XKR6: variants seen among roughly 807,000 people sequenced by gnomAD.
XKR6 encodes the protein XK-related protein 6.
Under a neutral mutation model 56.7 loss-of-function variants are expected in XKR6, and 22 were observed. That is an observed-to-expected ratio of 0.39 (90% CI 0.28 to 0.55). XKR6 has a LOEUF of 0.55. Among genes scored for constraint, XKR6 ranks in the 20% least tolerant of loss-of-function variants. XKR6 has a pLI of 0.66. For missense variants in XKR6, 852 were observed against 889.0 expected (o/e 0.96, Z 0.53); for synonymous variants, 524 against 387.8 (o/e 1.35, Z -4.13).
chr8:11,067,541 T>C (rs575553960), intron 1 of XKR6, among the ~76,000 whole-genome samples: 16 of 152,376 alleles, frequency 1.1e-4, no homozygotes, highest in Admixed American at 2.6e-4. Context: ...AAACATTATT[T>C]ATCTTAGACA....
At chr8:11,141,324 A>G (rs1321208372) in intron 1 of XKR6, among the ~76,000 whole-genome samples, 2 of 152,160 alleles carry the variant, frequency 1.3e-5, no homozygotes, top group Non-Finnish European at 2.9e-5. Context: ...CCAACACCAT[A>G]GCACTGGGAG....
chr8:10,955,440 C>G (rs1801855489), intron 1 of XKR6, among the ~76,000 whole-genome samples: 1 of 152,140 alleles, frequency 6.6e-6, no homozygotes, highest in African/African-American at 2.4e-5. Context: ...GTAGGCCTCC[C>G]AAAGTGCTAG....
At chr8:10,900,535 T>C (rs1747717809) in intron 2 of XKR6, among the ~76,000 whole-genome samples, 1 of 152,236 alleles carries the variant, frequency 6.6e-6, no homozygotes, top group South Asian at 2.1e-4. Context: ...GACTCTTTCA[T>C]AGTAATAACA....
At chr8:11,085,280 C>T (rs1456127003) in intron 1 of XKR6, among the ~76,000 whole-genome samples, 1 of 152,200 alleles carries the variant, frequency 6.6e-6, no homozygotes, top group African/African-American at 2.4e-5. Context: ...ACTGTGGCAA[C>T]AGGCGAAGCA....
chr8:11,165,564 T>C (rs1001004753), intron 1 of XKR6, among the ~76,000 whole-genome samples: 36 of 152,304 alleles, frequency 2.4e-4, no homozygotes, highest in African/African-American at 8.7e-4. Flanking sequence ...CTTATTTGAT[T>C]AGCAGAAACC....
At chr8:10,932,786 T>C (rs1350216547) in intron 1 of XKR6, among the ~76,000 whole-genome samples, 1 of 127,496 alleles carries the variant, frequency 7.8e-6, no homozygotes, top group African/African-American at 3.2e-5. Flanking sequence ...TAGTATTCCA[T>C]GGTGTATATG....
At position 11,044,123 on chromosome 8, in the gene XKR6, C is replaced by G. The variant is rs117320260; in HGVS notation, c.765-119293G>C. Among the ~76,000 whole-genome samples the G allele has an allele frequency of 4.5e-4, 68 of 152,314 alleles. No homozygotes were observed. The East Asian group carries it at 0.012, about 28-fold the overall frequency. On this transcript the variant is annotated intron_variant, in intron 1 of 2. Coordinates refer to ENST00000416569, the MANE Select transcript of XKR6 (RefSeq NM_173683.4). The stretch of plus-strand genomic sequence containing the variant: ...AAGAGACTGATTTCAGTAACTTTCT[C>G]CTGATAAGACCACTGACCGTGGACT...
chr8:11,081,152 G>A (rs1797710048), intron 1 of XKR6, among the ~76,000 whole-genome samples: 1 of 152,200 alleles, frequency 6.6e-6, no homozygotes, highest in Non-Finnish European at 1.5e-5. Context: ...GCCGGATTCT[G>A]AGAAAAGTAA....
chr8:11,023,307 C>T (rs1429948361), intron 1 of XKR6, among the ~76,000 whole-genome samples: 1 of 152,204 alleles, frequency 6.6e-6, no homozygotes, highest in Non-Finnish European at 1.5e-5. Flanking sequence ...AGTGAGGCAC[C>T]TCACAGGCCC....
intron 1 of XKR6, among the ~76,000 whole-genome samples, chr8:11,086,042 C>T (rs1471818317): frequency 1.3e-5 from 2 of 151,824 alleles, no homozygotes; most frequent in African/African-American, 4.8e-5. Flanking sequence ...GGCCCGAGTG[C>T]CCCGGAGGAC....
In XKR6 at chr8:11,000,107, G is replaced by A. The variant is rs116320521; in HGVS notation, c.765-75277C>T. On this transcript the variant is annotated intron_variant, in intron 1 of 2. Coordinates refer to ENST00000416569, the MANE Select transcript of XKR6 (RefSeq NM_173683.4). ...TAAAGACAAAGAAACAGACCCATGG[G>A]ATGAATTCTCTCAGAGGCACCAAGA... 4.9e-3 allele frequency among the ~76,000 whole-genome samples: 749 copies of A among 152,180 alleles called. 3 individuals carry two copies. Among genetic ancestry groups the A allele is most frequent in the African/African-American group, 0.018 (727 of 41,516 alleles).
chr8:11,087,400 A>G (rs1477682916), intron 1 of XKR6, among the ~76,000 whole-genome samples: 3 of 152,164 alleles, frequency 2.0e-5, no homozygotes, highest in Admixed American at 6.5e-5. Flanking sequence ...CAATTTGCTC[A>G]TGTCAATCTC....
chr8:10,907,544 C>T (rs563120872), intron 2 of XKR6, among the ~76,000 whole-genome samples: 1 of 152,346 alleles, frequency 6.6e-6, no homozygotes, highest in East Asian at 1.9e-4. Flanking sequence ...AAGATGAAGA[C>T]ACTGAGGCTT....
chr8:11,195,137 G>C (rs747589041), intron 1 of XKR6: 2 of 703,116 alleles, frequency 2.8e-6, no homozygotes, highest in East Asian at 2.7e-5. Context: ...TGGGAGGAGG[G>C]AGAAGGGAAG....
intron 1 of XKR6, among the ~76,000 whole-genome samples, chr8:10,972,379 G>A (rs1802434171): frequency 6.6e-6 from 1 of 152,200 alleles, no homozygotes; most frequent in Non-Finnish European, 1.5e-5. Flanking sequence ...ACAGATATGT[G>A]CAAGCATTCT....
chr8:10,924,624 G>A lies in XKR6; in HGVS notation c.961+10C>T, dbSNP rs780144156. 1.4e-5 allele frequency: 23 copies of A among 1,595,212 alleles called. 1 individual carries two copies. Among genetic ancestry groups the A allele is most frequent in the South Asian group, 8.9e-5 (8 of 90,260 alleles). On this transcript the variant is annotated intron_variant, in intron 2 of 2. Transcript: ENST00000416569. ...GCCGGGGTGGCGGGGCGCGGCCGGCGGGCACTCACAGGGCAGGGTCTCGGC... is the reference window on the plus strand; with the variant it reads ...GCCGGGGTGGCGGGGCGCGGCCGGCAGGCACTCACAGGGCAGGGTCTCGGC...
At chr8:10,974,987 C>G (rs1259518302) in intron 1 of XKR6, among the ~76,000 whole-genome samples, 1 of 152,132 alleles carries the variant, frequency 6.6e-6, no homozygotes, top group Non-Finnish European at 1.5e-5. Flanking sequence ...TATATTTTAC[C>G]AAGCTTTTTT....
At chr8:11,185,083 T>C (rs1803200371) in intron 1 of XKR6, among the ~76,000 whole-genome samples, 1 of 152,184 alleles carries the variant, frequency 6.6e-6, no homozygotes, top group African/African-American at 2.4e-5. Flanking sequence ...CGCATTTACC[T>C]GGTCCCAGTC....
chr8:11,061,717 C>A (rs1299824204), intron 1 of XKR6, among the ~76,000 whole-genome samples: 8 of 152,186 alleles, frequency 5.3e-5, no homozygotes, highest in African/African-American at 1.9e-4. Context: ...CCATTCCCCT[C>A]TTCCAGGAGC....
Sources: allele counts gnomAD v4.1 joint callset (sites outside exome capture counted in the v4.1 genomes callset), GRCh38; gene constraint gnomAD v4.1.1; transcripts MANE v1.5; gene names NCBI Gene and HGNC (gene_info 2026-07-23, HGNC 2026-07-21).